ZSCAN5A: variants seen among roughly 807,000 people sequenced by gnomAD.
ZSCAN5A encodes zinc finger and SCAN domain-containing protein 5A.
ZSCAN5A carries 12 observed loss-of-function variants against 23.7 expected under a neutral mutation model. That is an observed-to-expected ratio of 0.51 (90% CI 0.32 to 0.82). ZSCAN5A has a LOEUF of 0.82. Ranked by LOEUF, ZSCAN5A falls within the 40% of genes least tolerant of loss-of-function variation. The pLI, the probability that ZSCAN5A is intolerant of heterozygous loss-of-function variation, is 0.03. For missense variants in ZSCAN5A, 597 were observed against 617.9 expected (o/e 0.97, Z 0.36); for synonymous variants, 257 against 239.9 (o/e 1.07, Z -0.66).
At chr19:56,366,917 A>G (rs1429055287) in intron 1 of ZSCAN5A, among the ~76,000 whole-genome samples, 22 of 152,216 alleles carry the variant, frequency 1.4e-4, no homozygotes, top group Admixed American at 1.4e-3. Flanking sequence ...TTCAGCTATC[A>G]GGAAAAAATT....
At chr19:56,335,254 AAAG>A (rs2041524183) in intron 2 of ZSCAN5A, among the ~76,000 whole-genome samples, 1 of 152,210 alleles carries the variant, frequency 6.6e-6, no homozygotes. Context: ...GAAAAAAAAA[AAAG>A]AATGAAAAGG....
chr19:56,222,528 C>A (rs1042343636), intron 5 of ZSCAN5A, 63 bp downstream of exon 5: 33 of 1,578,498 alleles, frequency 2.1e-5, no homozygotes, highest in Non-Finnish European at 2.7e-5. Flanking sequence ...TAATGCTGGG[C>A]CCCCAGCCCC....
At chr19:56,333,298 T>C (rs373239701) in intron 2 of ZSCAN5A, among the ~76,000 whole-genome samples, 390 of 152,224 alleles carry the variant, frequency 2.6e-3, no homozygotes, top group Non-Finnish European at 4.5e-3. Flanking sequence ...ATGTCATTAA[T>C]TCATAAGTTT....
At chr19:56,353,016 T>C (rs151288579) in intron 2 of ZSCAN5A, among the ~76,000 whole-genome samples, 2 of 152,360 alleles carry the variant, frequency 1.3e-5, no homozygotes, top group African/African-American at 4.8e-5. Context: ...CCCTGCCCAC[T>C]GGAGTCAGTA....
intron 2 of ZSCAN5A, chr19:56,247,295 C>T (rs770933684): frequency 1.0e-4 from 31 of 304,556 alleles, no homozygotes; most frequent in East Asian, 1.7e-4. Flanking sequence ...AGGAGCCACA[C>T]GGGGGAGAAG....
intron 2 of ZSCAN5A, among the ~76,000 whole-genome samples, chr19:56,244,977 C>G (rs1287201915): frequency 1.3e-5 from 2 of 152,176 alleles, no homozygotes; most frequent in Non-Finnish European, 2.9e-5. Flanking sequence ...TGGATTCACC[C>G]AGAATATTTC....
rs58270311 is a variant in ZSCAN5A at position 56,230,615 on chromosome 19, ATGTGTGTGTGTG to A, written c.-127-5454_-127-5443del. The stretch of plus-strand genomic sequence containing the variant: ...CATCTGGCTTTCTTTTTATTTCTTG[ATGTGTGTGTGTG>A]TGTGTGTGTGTGTGTGTGTGTGTGT... On this transcript the variant is annotated intron_variant, in intron 2 of 5. Transcript: ENST00000683990. Among the ~76,000 whole-genome samples the A allele has an allele frequency of 5.2e-3, 765 of 147,680 alleles. 4 individuals carry two copies. The highest frequency in any genetic ancestry group is 0.021 in the Middle Eastern group (6 of 292).
At chr19:56,250,695 A>G (rs1378287077) in intron 2 of ZSCAN5A, among the ~76,000 whole-genome samples, 1 of 152,150 alleles carries the variant, frequency 6.6e-6, no homozygotes, top group African/African-American at 2.4e-5. Flanking sequence ...ATGCTACACT[A>G]AGTGTTTTAT....
chr19:56,241,334 C>G (rs996879988), intron 2 of ZSCAN5A, among the ~76,000 whole-genome samples: 2 of 152,038 alleles, frequency 1.3e-5, no homozygotes, highest in Non-Finnish European at 2.9e-5. Context: ...CTCAAGTGAT[C>G]CTCTTGCCTT....
chr19:56,269,747 A>G (rs2037715767), intron 2 of ZSCAN5A, among the ~76,000 whole-genome samples: 1 of 152,222 alleles, frequency 6.6e-6, no homozygotes, highest in Non-Finnish European at 1.5e-5. Context: ...AAGATGAAAG[A>G]GGCCGACCAG....
chr19:56,362,401 C>T (rs2041739620), intron 2 of ZSCAN5A, among the ~76,000 whole-genome samples: 2 of 151,628 alleles, frequency 1.3e-5, no homozygotes, highest in Non-Finnish European at 2.9e-5. Flanking sequence ...ACCCCCACCT[C>T]TACTGACAGT....
chr19:56,252,318 C>T (rs2036402333), intron 2 of ZSCAN5A, among the ~76,000 whole-genome samples: 1 of 152,178 alleles, frequency 6.6e-6, no homozygotes, highest in Non-Finnish European at 1.5e-5. Context: ...TGTAACAACG[C>T]AAAGGTTGGG....
chr19:56,266,865 T>A (rs11671978), intron 2 of ZSCAN5A: 55,617 of 152,072 alleles, frequency 0.37, 11,356 homozygotes, highest in Admixed American at 0.47. Flanking sequence ...GGTTTGTGCT[T>A]ACTATCATTC....
intron 2 of ZSCAN5A, among the ~76,000 whole-genome samples, chr19:56,358,443 A>G (rs1481554365): frequency 7.2e-6 from 1 of 139,502 alleles, no homozygotes; most frequent in Non-Finnish European, 1.6e-5. Flanking sequence ...TTTTAAAGAC[A>G]TACAAAGAGA....
intron 2 of ZSCAN5A, chr19:56,320,543 C>T (rs569664824): frequency 7.4e-5 from 33 of 447,824 alleles, no homozygotes; most frequent in East Asian, 3.7e-4. Flanking sequence ...ACCCAGGAGG[C>T]GGTGATTGCA....
chr19:56,363,248 A>G (rs2041745519), exon 2 of ZSCAN5A: 1 of 152,240 alleles, frequency 6.6e-6, no homozygotes, highest in African/African-American at 2.4e-5. Context: ...TATTACTCAG[A>G]TTACACATTT....
intron 2 of ZSCAN5A, among the ~76,000 whole-genome samples, chr19:56,302,579 CCCCCTTTTCT>C (rs2040376391): frequency 1.0e-5 from 1 of 95,326 alleles, no homozygotes; most frequent in South Asian, 5.2e-4. Flanking sequence ...TTTTCTTCCT[CCCCCTTTTCT>C]TCCTCTCCCT....
At position 56,357,578 on chromosome 19, in the gene ZSCAN5A, C is replaced by T. The variant is rs546326982; in HGVS notation, c.-358+5657G>A. 6.1e-5 allele frequency among the ~76,000 whole-genome samples: 9 copies of T among 147,316 alleles called. 1 individual carries two copies. In the South Asian group the frequency reaches 2.0e-3, roughly 32 times the overall value. Reference sequence around the variant, plus strand: ...AAATACTAGATCTTAATCCTTCTGTCCACATGAAAAAAAATCAAATTCAAA... The same window carrying T: ...AAATACTAGATCTTAATCCTTCTGTTCACATGAAAAAAAATCAAATTCAAA... On this transcript the variant is annotated intron_variant, in intron 2 of 6. Transcript: ENST00000587340.
chr19:56,222,409 G>C, intron 5 of ZSCAN5A, 83 bp from the exon 6 acceptor site: 2 of 1,572,532 alleles, frequency 1.3e-6, no homozygotes, highest in Non-Finnish European at 1.7e-6. Flanking sequence ...ACTGATGTTG[G>C]CTGACAACTT....
Sources: allele counts gnomAD v4.1 joint callset (sites outside exome capture counted in the v4.1 genomes callset), GRCh38; gene constraint gnomAD v4.1.1; transcripts MANE v1.5; gene names NCBI Gene and HGNC (gene_info 2026-07-23, HGNC 2026-07-21).